The following TBCE variants were observed in gnomAD, a reference collection of about 807,000 sequenced individuals.
TBCE encodes tubulin folding cofactor E, also known as tubulin-specific chaperone E.
A neutral mutation model predicts 77.0 loss-of-function variants in TBCE; 53 were observed. The observed-to-expected ratio is 0.69, with a 90% CI of 0.55 to 0.87. The LOEUF is 0.87. Ranked by LOEUF, TBCE falls within the 40% of genes least tolerant of loss-of-function variation. The pLI is 0.00. For synonymous variants in TBCE, 235 were observed against 241.3 expected (o/e 0.97, Z 0.24); for missense variants, 624 against 622.4 (o/e 1.00, Z -0.03).
chr1:235,381,070 G>A (rs570234195), intron 2 of TBCE, among the ~76,000 whole-genome samples: 37 of 152,050 alleles, frequency 2.4e-4, no homozygotes, highest in African/African-American at 7.2e-4. Context: ...GTGAGCCACC[G>A]TGCCTGGCCA....
intron 5 of TBCE, among the ~76,000 whole-genome samples, chr1:235,425,592 G>A (rs1216483719): frequency 6.6e-6 from 1 of 152,068 alleles, no homozygotes; most frequent in Non-Finnish European, 1.5e-5. Flanking sequence ...AATATCTCCC[G>A]TTTCAAGCAA....
rs1263480389 is a variant in TBCE at position 235,434,262 on chromosome 1, A to G, written c.719A>G (p.Asn240Ser). The change falls in exon 8 of 17, where the codon AAC (asparagine) becomes AGC (serine). Residue 240 changes from asparagine (N) to serine (S), a missense_variant. By Grantham distance (46) the Asn-to-Ser change is conservative. Coordinates refer to ENST00000642610, the MANE Select transcript of TBCE (RefSeq NM_003193.5). ...GAGGAACTCTACCTTGAGTCTAACA[A>G]CATTTTCATTTCCGAAAGGTAACTA... ...GLEELYLESN[N>S]IFISERPTDV... The G allele has an allele frequency of 2.5e-6, 4 of 1,614,010 alleles. No individual in the cohort carries two copies. The Admixed American group carries it at 6.7e-5, about 27-fold the overall frequency.
rs569209825 is a variant in TBCE at position 235,379,902 on chromosome 1, T to A, written c.-31-117T>A. Reference sequence around the variant, plus strand: ...GGTGGGGGTTGCAGTGAGCCGAGATTGCGCCACTGCACTCCAGCCTGGGCG... The same window carrying A: ...GGTGGGGGTTGCAGTGAGCCGAGATAGCGCCACTGCACTCCAGCCTGGGCG... On this transcript the variant is annotated intron_variant, in intron 1 of 16. Transcript: ENST00000642610. The A allele has an allele frequency of 2.5e-4, 148 of 582,478 alleles. 2 individuals are homozygous for A. The South Asian group carries it at 2.6e-3, about 10-fold the overall frequency. 36.1% of individuals were successfully genotyped at this position (582,478 alleles called of 1,614,324 possible). A position where few individuals can be genotyped will look rare whatever the true frequency, so the allele number is the denominator to read the frequency against.
In TBCE at chr1:235,450,919, G is replaced by T. The variant is rs1682858730; in HGVS notation, c.*2157G>T. On this transcript the variant is annotated 3_prime_UTR_variant, in exon 17 of 17. Coordinates refer to ENST00000642610, the MANE Select transcript of TBCE (RefSeq NM_003193.5). ...AGACTATTTCCTAGCTACGTGAATTGGTTTCTATTTCCAGCAATGTAGCAG... is the reference window on the plus strand; with the variant it reads ...AGACTATTTCCTAGCTACGTGAATTTGTTTCTATTTCCAGCAATGTAGCAG... 1 of 152,276 alleles carries T rather than the reference G, an allele frequency of 6.6e-6. No individual in the cohort carries two copies. Among genetic ancestry groups the T allele is most frequent in the Non-Finnish European group, 1.5e-5 (1 of 68,128 alleles). 9.4% of individuals were successfully genotyped at this position (152,276 alleles called of 1,614,324 possible).
intron 5 of TBCE, among the ~76,000 whole-genome samples, chr1:235,422,207 C>T (rs1230908868): frequency 6.6e-6 from 1 of 152,220 alleles, no homozygotes; most frequent in Non-Finnish European, 1.5e-5. Context: ...TATTCCTAAA[C>T]TATTTCAGAA....
Position 235,435,717 on chromosome 1 carries a change from C to T in TBCE, c.738-28C>T, listed in dbSNP as rs773585459. ...TGAAAACAATTAAGAGATAAATTCA[C>T]GGTGAAAAAATTTTATTTTCCATAC... is the stretch of plus-strand genomic sequence containing the variant. On this transcript the variant is annotated intron_variant, in intron 8 of 16. Coordinates refer to ENST00000642610, the MANE Select transcript of TBCE (RefSeq NM_003193.5). 41 of 1,583,494 alleles carry T rather than the reference C, an allele frequency of 2.6e-5. 1 individual carries two copies. The South Asian group carries it at 3.0e-4, about 12-fold the overall frequency.
At chr1:235,394,418 C>CT (rs386370043) in intron 2 of TBCE, among the ~76,000 whole-genome samples, 1,742 of 72,270 alleles carry the variant, frequency 0.024, 177 homozygotes, top group South Asian at 0.055. Context: ...TTGATAATTT[C>CT]TTTTTTTTTT....
chr1:235,435,226 A>G (rs1273109084), intron 8 of TBCE, among the ~76,000 whole-genome samples: 1 of 151,436 alleles, frequency 6.6e-6, no homozygotes, highest in African/African-American at 2.4e-5. Context: ...TCAGCCTCCC[A>G]TGTAGCTGGG....
At chr1:235,445,601 A>G (rs562167863) in intron 15 of TBCE, among the ~76,000 whole-genome samples, 42 of 152,326 alleles carry the variant, frequency 2.8e-4, no homozygotes, top group Non-Finnish European at 5.1e-4. Context: ...GAGCCACTGC[A>G]ATCTGGCCTG....
intron 2 of TBCE, among the ~76,000 whole-genome samples, chr1:235,392,300 AACCGTGATCGTGCC>A (rs1263297213): frequency 2.6e-5 from 4 of 152,200 alleles, no homozygotes; most frequent in South Asian, 2.1e-4. Flanking sequence ...GCCTGCAGTG[AACCGTGATCGTGCC>A]ACTGCACTCC....
intron 7 of TBCE, chr1:235,433,982 G>GCCCACAGTGTGTGCT: frequency 1.7e-6 from 1 of 587,408 alleles, no homozygotes; most frequent in South Asian, 2.0e-5. Flanking sequence ...GCCTCAAAGT[G>GCCCACAGTGTGTGCT]CCCACAGTGT....
chr1:235,391,691 C>T (rs972188707), intron 2 of TBCE, among the ~76,000 whole-genome samples: 2 of 144,974 alleles, frequency 1.4e-5, no homozygotes, highest in African/African-American at 5.2e-5. Flanking sequence ...ACTGCAACCA[C>T]TGCTTCCCAG....
chr1:235,404,956 G>T (rs920725556), intron 3 of TBCE, among the ~76,000 whole-genome samples: 1 of 146,876 alleles, frequency 6.8e-6, no homozygotes, highest in African/African-American at 2.5e-5. Flanking sequence ...CACCATGCCC[G>T]GTACTTTTTT....
In TBCE at chr1:235,437,310, G is replaced by C; in HGVS notation, c.964-12G>C. On this transcript the variant is annotated splice_polypyrimidine_tract_variant and intron_variant, in intron 11 of 16. Coordinates refer to ENST00000642610, the MANE Select transcript of TBCE (RefSeq NM_003193.5). ...TACCGCTTTTCATTTATTTCCTTTT[G>C]CTGTGTTTCAGTGGTCGTTTTTCAA... The C allele has an allele frequency of 1.9e-6, 3 of 1,613,934 alleles. No homozygotes were observed. Among genetic ancestry groups the C allele is most frequent in the Non-Finnish European group, 2.5e-6 (3 of 1,179,958 alleles).
intron 12 of TBCE, 94 bp downstream of exon 12, chr1:235,437,568 T>A: frequency 1.4e-6 from 2 of 1,469,990 alleles, no homozygotes; most frequent in Non-Finnish European, 1.9e-6. Context: ...TCCCAGCACT[T>A]TGGGAGGCTG....
At chr1:235,376,523 A>T (rs1677307918) in intron 1 of TBCE, among the ~76,000 whole-genome samples, 1 of 152,122 alleles carries the variant, frequency 6.6e-6, no homozygotes, top group Non-Finnish European at 1.5e-5. Flanking sequence ...GTAGGAGTGG[A>T]GTTCTGCAGT....
intron 2 of TBCE, among the ~76,000 whole-genome samples, chr1:235,400,851 C>T (rs566883949): frequency 1.2e-4 from 18 of 152,146 alleles, no homozygotes; most frequent in African/African-American, 2.9e-4. Context: ...TGTGTCACCA[C>T]ACCTGGCTAA....
At chr1:235,435,718 G>T in intron 8 of TBCE, 27 bp from the exon 9 acceptor site, 1 of 1,589,062 alleles carries the variant, frequency 6.3e-7, no homozygotes, top group African/African-American at 1.3e-5. Flanking sequence ...ATAAATTCAC[G>T]GTGAAAAAAT....
At chr1:235,407,703 G>A (rs1679533741) in intron 3 of TBCE, among the ~76,000 whole-genome samples, 1 of 152,154 alleles carries the variant, frequency 6.6e-6, no homozygotes, top group Non-Finnish European at 1.5e-5. Context: ...CCCAGTTTCT[G>A]TAATCAACTT....
Sources: gnomAD v4.1 joint callset for allele counts (sites outside exome capture counted in the v4.1 genomes callset) on GRCh38, gnomAD v4.1.1 for gene constraint, MANE v1.5 for transcripts, NCBI Gene and HGNC (gene_info 2026-07-23, HGNC 2026-07-21) for gene names.